NEK3: variants seen among roughly 807,000 people sequenced by gnomAD.
NEK3 encodes NIMA related kinase 3, also known as serine/threonine-protein kinase Nek3.
NEK3 carries 54 observed loss-of-function variants against 66.0 expected under a neutral mutation model. The observed-to-expected ratio is 0.82, with a 90% CI of 0.66 to 1.03. The LOEUF is 1.03. Ranked by LOEUF, NEK3 falls within the 50% of genes least tolerant of loss-of-function variation. The pLI, the probability that NEK3 is intolerant of heterozygous loss-of-function variation, is 0.00. For synonymous variants in NEK3, 200 were observed against 206.2 expected, an observed-to-expected ratio of 0.97 and a Z score of 0.26; for missense variants, 593 against 603.0, an observed-to-expected ratio of 0.98 and a Z score of 0.17.
At chr13:52,148,533 TTTC>T in intron 7 of NEK3, 64 bp from the exon 8 acceptor site, 1 of 1,393,946 alleles carries the variant, frequency 7.2e-7, no homozygotes, top group Non-Finnish European at 1.0e-6. Context: ...CAAAAAATAA[TTTC>T]TTACCTTTAA....
Position 52,133,116 on chromosome 13 carries a change from G to C in NEK3, c.*26C>G. 6.4e-7 allele frequency: 1 copy of C among 1,572,846 alleles called. No individual in the cohort carries two copies. The highest frequency in any genetic ancestry group is 8.7e-7 in the Non-Finnish European group (1 of 1,149,422). On this transcript the variant is annotated 3_prime_UTR_variant, in exon 16 of 16. Transcript: ENST00000610828. ...CTCCTGAGTGAAGCCTCTCCTCAGC[G>C]TGACTCAGGAACATTTCCTCAGGCA...
Position 52,136,183 on chromosome 13 carries a change from A to T in NEK3, c.1107T>A (p.Asn369Lys). The T allele has an allele frequency of 1.2e-6, 2 of 1,613,822 alleles. No individual in the cohort carries two copies. Among genetic ancestry groups the T allele is most frequent in the Non-Finnish European group, 1.7e-6 (2 of 1,179,748 alleles). ...CATTTTCCAAAGCTGTAAGAGCTGT[A>T]TTGGGTACATTTTTCTCCCACTGTC... Reference protein sequence around the residue: ...HRRQWEKNVPNTALTALENAS... With the variant: ...HRRQWEKNVPKTALTALENAS... Residue 369 changes from asparagine to lysine, a missense_variant, in exon 13 of 16, where the codon AAT becomes AAA. Transcript: ENST00000610828.
In NEK3 at chr13:52,132,961, AG is replaced by A. The variant is rs1288639573; in HGVS notation, c.*180del. On this transcript the variant is annotated 3_prime_UTR_variant, in exon 16 of 16. Transcript: ENST00000610828. ...TTCTCCCTTGAGTTCAAAAACTTAC[AG>A]GAGTTCTAGACTTTTCAAACTCACG... The A allele has an allele frequency of 2.4e-5, 14 of 581,592 alleles. No homozygotes were observed. The African/African-American group carries it at 2.6e-4, about 11-fold the overall frequency. The allele number at this position is 581,592 out of a possible 1,614,324, so 36.0% of individuals were successfully genotyped here. A position where few individuals can be genotyped will look rare whatever the true frequency, so the allele number is the denominator to read the frequency against.
Position 52,143,411 on chromosome 13 carries a change from T to TC in NEK3, c.877+503dup, listed in dbSNP as rs537650601. Among the ~76,000 whole-genome samples, 14 of 151,368 alleles carry TC rather than the reference T, an allele frequency of 9.2e-5. No homozygotes were observed. In the East Asian group the frequency reaches 1.2e-3, roughly 13 times the overall value. ...CACCTGTCCCCACACACATACCACC[T>TC]CCCCAATACTAACATGCCACACCAT... On this transcript the variant is annotated intron_variant, in intron 10 of 15. Transcript: ENST00000610828.
At chr13:52,143,631 T>G (rs1369371103) in intron 10 of NEK3, among the ~76,000 whole-genome samples, 1 of 152,108 alleles carries the variant, frequency 6.6e-6, no homozygotes, top group African/African-American at 2.4e-5. Flanking sequence ...AGAAGCCTTC[T>G]ACCTGACCTA....
intron 8 of NEK3, among the ~76,000 whole-genome samples, chr13:52,147,027 T>C (rs1015607179): frequency 6.6e-6 from 1 of 152,232 alleles, no homozygotes; most frequent in Non-Finnish European, 1.5e-5. Flanking sequence ...TAATAAACAA[T>C]GGCTGAACAA....
rs1231693247 is a variant in NEK3 at position 52,156,167 on chromosome 13, T to C, written c.25A>G (p.Met9Val). The C allele has an allele frequency of 1.2e-6, 2 of 1,601,592 alleles. No homozygotes were observed. Among genetic ancestry groups the C allele is most frequent in the Non-Finnish European group, 8.5e-7 (1 of 1,173,642 alleles). ...CTGCCGAAGGAGCCCTCCCCAATCATTCTCAGGACCATGTAGTCATCCATG... is the reference window on the plus strand; with the variant it reads ...CTGCCGAAGGAGCCCTCCCCAATCACTCTCAGGACCATGTAGTCATCCATG... MDDYMVLRMIGEGSFGRAL... is the reference protein window; with the variant it reads MDDYMVLRVIGEGSFGRAL... The change falls in exon 2 of 16, where the codon ATG (methionine) becomes GTG (valine). Residue 9 changes from methionine to valine, a missense_variant. Physicochemically the swap from Met to Val is conservative, Grantham distance 21. Transcript: ENST00000610828.
chr13:52,154,368 C>G (rs1956373900), intron 2 of NEK3, among the ~76,000 whole-genome samples, 195 bp from the exon 3 acceptor site: 1 of 152,128 alleles, frequency 6.6e-6, no homozygotes, highest in Non-Finnish European at 1.5e-5. Flanking sequence ...CATGCTTGAG[C>G]TGACCCCTTC....
chr13:52,141,047 T>C lies in NEK3; in HGVS notation c.900A>G (p.Ile300Met). Residue 300 changes from isoleucine (I) to methionine (M), a missense_variant, in exon 11 of 16, where the codon ATA becomes ATG. Coordinates refer to ENST00000610828, the MANE Select transcript of NEK3 (RefSeq NM_002498.3). ...CTGTGCTTGCTTCATTTCCCAAAGC[T>C]ATCCTGATTCTGCTGGGGTTTGCTT... Reference protein sequence around the residue: ...RKKTNPSRIRIALGNEASTVQ... With the variant: ...RKKTNPSRIRMALGNEASTVQ... 6.2e-7 allele frequency: 1 copy of C among 1,601,814 alleles called. No individual in the cohort carries two copies. The highest frequency in any genetic ancestry group is 8.5e-7 in the Non-Finnish European group (1 of 1,174,128).
intron 12 of NEK3, 77 bp from the exon 13 acceptor site, chr13:52,136,336 C>A: frequency 7.2e-7 from 1 of 1,383,864 alleles, no homozygotes; most frequent in Admixed American, 2.1e-5. Flanking sequence ...TAGACTCTAA[C>A]AAATATGGAA....
intron 10 of NEK3, 40 bp from the exon 11 acceptor site, chr13:52,141,109 T>G: frequency 6.5e-7 from 1 of 1,536,860 alleles, no homozygotes; most frequent in Non-Finnish European, 8.9e-7. Context: ...ATAAAACACA[T>G]AAAGGATCAT....
At chr13:52,133,615 TCACA>T (rs3831081) in intron 15 of NEK3, 70 bp downstream of exon 15, 2,674 of 1,304,196 alleles carry the variant, frequency 2.1e-3, no homozygotes, top group Non-Finnish European at 2.3e-3. Context: ...CTAATTTAAA[TCACA>T]CACACACACA....
intron 5 of NEK3, 117 bp from the exon 6 acceptor site, chr13:52,151,509 G>T: frequency 2.3e-6 from 2 of 864,454 alleles, no homozygotes; most frequent in Non-Finnish European, 3.6e-6. Flanking sequence ...TGACAGCTGA[G>T]TCCCAGAGTG....
intron 1 of NEK3, among the ~76,000 whole-genome samples, chr13:52,158,759 G>C (rs1176564029): frequency 1.3e-5 from 2 of 152,280 alleles, no homozygotes; most frequent in East Asian, 3.9e-4. Context: ...CCCAGAAGTG[G>C]GATCACCAGT....
At chr13:52,140,393 G>A (rs1227424984) in intron 11 of NEK3, among the ~76,000 whole-genome samples, 1 of 152,094 alleles carries the variant, frequency 6.6e-6, no homozygotes, top group African/African-American at 2.4e-5. Context: ...TGCATCACAA[G>A]GTGAGGAGAT....
At chr13:52,155,682 T>C (rs1047037955) in intron 2 of NEK3, among the ~76,000 whole-genome samples, 1 of 129,972 alleles carries the variant, frequency 7.7e-6, no homozygotes. Flanking sequence ...CAAAAACTTA[T>C]TATTTATTTT....
chr13:52,134,055 G>A (rs932667119), intron 14 of NEK3, among the ~76,000 whole-genome samples: 1 of 151,684 alleles, frequency 6.6e-6, no homozygotes, highest in Non-Finnish European at 1.5e-5. Flanking sequence ...TTTTGAGTCA[G>A]GGTCTCACTC....
intron 2 of NEK3, among the ~76,000 whole-genome samples, chr13:52,154,855 G>C (rs1956378880): frequency 6.7e-6 from 1 of 149,624 alleles, no homozygotes; most frequent in Non-Finnish European, 1.5e-5. Flanking sequence ...CCACTGGGGA[G>C]GGTGAGGTGG....
At chr13:52,149,555 A>G (rs1248007453) in intron 7 of NEK3, among the ~76,000 whole-genome samples, 1 of 151,822 alleles carries the variant, frequency 6.6e-6, no homozygotes, top group African/African-American at 2.4e-5. Context: ...TCCCTCCTCT[A>G]TATCTATCTG....
Sources: allele counts gnomAD v4.1 joint callset (sites outside exome capture counted in the v4.1 genomes callset), GRCh38; gene constraint gnomAD v4.1.1; transcripts MANE v1.5; gene names NCBI Gene and HGNC (gene_info 2026-07-23, HGNC 2026-07-21).